The following NCR3 variants were observed in gnomAD, a reference collection of about 807,000 sequenced individuals.
NCR3 encodes the protein natural cytotoxicity triggering receptor 3.
A neutral mutation model predicts 16.1 loss-of-function variants in NCR3; 13 were observed. The ratio of observed to expected loss-of-function variants is 0.81; its 90% CI spans 0.53 to 1.28. NCR3 has a LOEUF of 1.28. Among genes scored for constraint, NCR3 ranks in the 50% most tolerant of loss-of-function variants. The pLI, the probability that NCR3 is intolerant of heterozygous loss-of-function variation, is 0.00. For missense variants in NCR3, 202 were observed against 256.8 expected (o/e 0.79, Z 1.46); for synonymous variants, 98 against 106.6 (o/e 0.92, Z 0.50).
chr6:31,589,063 A>G lies in NCR3; in HGVS notation c.*4T>C, dbSNP rs750660083. ...ATCCTTCCCATTTCTCAGGACAATCAGGCTCAGCCTCCTGGGACTGGGGGA... is the reference window on the plus strand; with the variant it reads ...ATCCTTCCCATTTCTCAGGACAATCGGGCTCAGCCTCCTGGGACTGGGGGA... On this transcript the variant is annotated 3_prime_UTR_variant, in exon 4 of 4. Transcript: ENST00000340027. This position sits in a 1 kb window ranked among gnomAD's most constrained non-coding sequence, Gnocchi z 4.8. 2 of 1,568,094 alleles carry G rather than the reference A, an allele frequency of 1.3e-6. No individual in the cohort carries two copies. Among genetic ancestry groups the G allele is most frequent in the Middle Eastern group, 1.7e-4 (1 of 5,834 alleles).
intron 1 of NCR3, among the ~76,000 whole-genome samples, chr6:31,592,375 G>T (rs62395786): frequency 0.026 from 3,953 of 150,572 alleles, 88 homozygotes; most frequent in African/African-American, 0.051. Context: ...ATCGCACCAC[G>T]GCACTCCAGC....
In NCR3 at chr6:31,589,706, G is replaced by C; in HGVS notation, c.389-73C>G. On this transcript the variant is annotated intron_variant, in intron 2 of 3. Transcript: ENST00000340027. The surrounding 1 kb of genome is among the most constrained non-coding windows in gnomAD (Gnocchi z 4.8). Reference sequence around the variant, plus strand: ...CTCAGGGAGGGAAGGGGCCTCAGAGGAGCATCCCTGCCTCCCAAGGACATT... The same window carrying C: ...CTCAGGGAGGGAAGGGGCCTCAGAGCAGCATCCCTGCCTCCCAAGGACATT... 1 of 1,606,220 alleles carries C rather than the reference G, an allele frequency of 6.2e-7. No individual in the cohort carries two copies. Among genetic ancestry groups the C allele is most frequent in the Non-Finnish European group, 8.5e-7 (1 of 1,175,126 alleles).
At position 31,589,513 on chromosome 6, in the gene NCR3, C is replaced by T; in HGVS notation, c.496+13G>A. On this transcript the variant is annotated intron_variant, in intron 3 of 3. Transcript: ENST00000340027. The surrounding 1 kb of genome is among the most constrained non-coding windows in gnomAD (Gnocchi z 4.8). ...CCATCCCGTCCACTATTGCCCCTGG[C>T]TCCATTACTCACATTTGCCCTGGTA... is the stretch of plus-strand genomic sequence containing the variant. The T allele has an allele frequency of 6.2e-7, 1 of 1,613,744 alleles. No individual in the cohort carries two copies. The highest frequency in any genetic ancestry group is 8.5e-7 in the Non-Finnish European group (1 of 1,179,790).
Position 31,589,107 on chromosome 6 carries a change from C to T in NCR3, c.566G>A (p.Gly189Glu). Residue 189 changes from glycine to glutamate, a missense_variant, in exon 4 of 4, where the codon GGG becomes GAG. Transcript: ENST00000340027. This position sits in a 1 kb window ranked among gnomAD's most constrained non-coding sequence, Gnocchi z 4.8. Reference sequence around the variant, plus strand: ...TGGGGGAAGCAGATGTGCTGAGCTCCCACATGGTGGTGGGAGGGGCGCTGG... The same window carrying T: ...TGGGGGAAGCAGATGTGCTGAGCTCTCACATGGTGGTGGGAGGGGCGCTGG... ...VVPAPLPPPC[G>E]SSAHLLPPVP... 1 of 1,610,560 alleles carries T rather than the reference C, an allele frequency of 6.2e-7. No individual in the cohort carries two copies. Among genetic ancestry groups the T allele is most frequent in the Non-Finnish European group, 8.5e-7 (1 of 1,178,044 alleles).
At chr6:31,591,893 A>T (rs1272991764) in intron 1 of NCR3, among the ~76,000 whole-genome samples, 1 of 152,280 alleles carries the variant, frequency 6.6e-6, no homozygotes, top group East Asian at 1.9e-4. Context: ...AGGCAGGCAG[A>T]TCACTTGAGA....
chr6:31,589,392 G>A lies in NCR3; in HGVS notation c.496+134C>T. ...TGTGTTCCCATGTGACAGTGGCCTG[G>A]TCAGAGAGAGGACAGGAGCTGCTCA... On this transcript the variant is annotated intron_variant, in intron 3 of 3. Coordinates refer to ENST00000340027, the MANE Select transcript of NCR3 (RefSeq NM_147130.3). This position sits in a 1 kb window ranked among gnomAD's most constrained non-coding sequence, Gnocchi z 4.8. The A allele has an allele frequency of 6.4e-7, 1 of 1,552,952 alleles. No homozygotes were observed. Among genetic ancestry groups the A allele is most frequent in the African/African-American group, 1.4e-5 (1 of 73,184 alleles).
chr6:31,592,399 G>A lies in NCR3; in HGVS notation c.43+280C>T, dbSNP rs375148151. ...CGGCACTCCAGCCAGGCGACAGAGC[G>A]AGACTCAGTCTCAAAAAAAAAAAAA... On this transcript the variant is annotated intron_variant, in intron 1 of 3. Coordinates refer to ENST00000340027, the MANE Select transcript of NCR3 (RefSeq NM_147130.3). Among the ~76,000 whole-genome samples the A allele has an allele frequency of 1.6e-4, 23 of 144,964 alleles. 1 individual carries two copies. Among genetic ancestry groups the A allele is most frequent in the East Asian group, 1.0e-3 (5 of 5,002 alleles).
At position 31,592,762 on chromosome 6, in the gene NCR3, G is replaced by A. The variant is rs1772731124; in HGVS notation, c.-41C>T. On this transcript the variant is annotated 5_prime_UTR_variant, in exon 1 of 4. Coordinates refer to ENST00000340027, the MANE Select transcript of NCR3 (RefSeq NM_147130.3). ...AGTTGGCGAAGGGGATCTGAGCAGT[G>A]AGGTCTGGGTGGAGGAGGAAGGACT... The A allele has an allele frequency of 6.2e-7, 1 of 1,611,550 alleles. No individual in the cohort carries two copies.
chr6:31,589,589 C>T lies in NCR3; in HGVS notation c.433G>A (p.Gly145Arg), dbSNP rs150982392. Residue 145 changes from glycine to arginine, a missense_variant, in exon 3 of 4, where the codon GGA (glycine) becomes AGA (arginine). Physicochemically the swap from Gly to Arg is moderately radical, Grantham distance 125 (BLOSUM62 -2). Coordinates refer to ENST00000340027, the MANE Select transcript of NCR3 (RefSeq NM_147130.3). The surrounding 1 kb of genome is among the most constrained non-coding windows in gnomAD (Gnocchi z 4.8). Reference protein sequence around the residue: ...GAGTVLLLRAGFYAVSFLSVA... With the variant: ...GAGTVLLLRARFYAVSFLSVA... Reference sequence around the variant, plus strand: ...GAGAGAAAGCTGACAGCATAGAATCCAGCCCGAAGGAGGAGGACTGTACCA... The same window carrying T: ...GAGAGAAAGCTGACAGCATAGAATCTAGCCCGAAGGAGGAGGACTGTACCA... 5.6e-6 allele frequency: 9 copies of T among 1,613,882 alleles called. No individual in the cohort carries two copies. Among genetic ancestry groups the T allele is most frequent in the Non-Finnish European group, 7.6e-6 (9 of 1,180,044 alleles).
At position 31,590,039 on chromosome 6, in the gene NCR3, C is replaced by G; in HGVS notation, c.131G>C (p.Ser44Thr). Residue 44 changes from serine (S) to threonine (T), a missense_variant, in exon 2 of 4, where the codon AGC becomes ACC. Ser to Thr is a moderately conservative substitution (Grantham distance 58). Transcript: ENST00000340027. The stretch of plus-strand genomic sequence containing the variant: ...GGAGCCAATGGCCAGTCTCCCTTGG[C>G]TGGCATTGAAGGAGCAGGGCAGGAA... ...SAFLPCSFNA[S>T]QGRLAIGSVT... is the part of the protein sequence containing the mutation. The G allele has an allele frequency of 1.9e-6, 3 of 1,613,068 alleles. No individual in the cohort carries two copies. Among genetic ancestry groups the G allele is most frequent in the Non-Finnish European group, 2.5e-6 (3 of 1,180,028 alleles).
At chr6:31,592,296 C>A (rs1772691097) in intron 1 of NCR3, among the ~76,000 whole-genome samples, 1 of 151,284 alleles carries the variant, frequency 6.6e-6, no homozygotes, top group Non-Finnish European at 1.5e-5. Flanking sequence ...GCGTGTAGTC[C>A]CAGCTACTCA....
At position 31,589,578 on chromosome 6, in the gene NCR3, A is replaced by T; in HGVS notation, c.444T>A (p.Ala148=). 6.2e-7 allele frequency: 1 copy of T among 1,614,084 alleles called. No individual in the cohort carries two copies. ...TVLLLRAGFY[A]VSFLSVAVGS... ...CCACGGCCACAGAGAGAAAGCTGAC[A>T]GCATAGAATCCAGCCCGAAGGAGGA... Residue 148 remains alanine (A), a synonymous_variant, in exon 3 of 4, where the codon GCT becomes GCA. Coordinates refer to ENST00000340027, the MANE Select transcript of NCR3 (RefSeq NM_147130.3). This position sits in a 1 kb window ranked among gnomAD's most constrained non-coding sequence, Gnocchi z 4.8.
Position 31,590,087 on chromosome 6 carries a change from C to A in NCR3, c.83G>T (p.Arg28Leu). ...ALWVSQPPEI[R>L]TLEGSSAFLP... ...GAAGGCAGAGGATCCTTCCAGGGTA[C>A]GAATCTCAGGGGGCTGGGACACCCA... The change falls in exon 2 of 4, where the codon CGT becomes CTT. Residue 28 changes from arginine (R) to leucine (L), a missense_variant. Coordinates refer to ENST00000340027, the MANE Select transcript of NCR3 (RefSeq NM_147130.3). The A allele has an allele frequency of 6.2e-7, 1 of 1,612,662 alleles. No individual in the cohort carries two copies. The highest frequency in any genetic ancestry group is 8.5e-7 in the Non-Finnish European group (1 of 1,179,872).
intron 1 of NCR3, 99 bp from the exon 2 acceptor site, chr6:31,590,225 A>ACCC: frequency 9.9e-7 from 1 of 1,013,120 alleles, no homozygotes; most frequent in Non-Finnish European, 1.4e-6. Flanking sequence ...TTCTCCAGGC[A>ACCC]TAGGGTGCAT....
chr6:31,592,329 C>T (rs551355939), intron 1 of NCR3, among the ~76,000 whole-genome samples: 1 of 151,270 alleles, frequency 6.6e-6, no homozygotes, highest in Non-Finnish European at 1.5e-5. Flanking sequence ...AGGAGAATCA[C>T]CTGAACATGG....
chr6:31,589,606 AC>A lies in NCR3; in HGVS notation c.415del (p.Val139SerfsTer29). On this transcript the variant is annotated frameshift_variant, in exon 3 of 4. Transcript: ENST00000340027. LOFTEE classifies it high-confidence loss of function. The surrounding 1 kb of genome is among the most constrained non-coding windows in gnomAD (Gnocchi z 4.8). ...ATAGAATCCAGCCCGAAGGAGGAGG[AC>A]TGTACCAGCCCCTAGCTGAGGATGT... Reference protein sequence around the residue: ...KEHPQLGAGTVLLLRAGFYAV... With the variant: ...KEHPQLGAGTXLLLRAGFYAV... 1.9e-6 allele frequency: 3 copies of A among 1,613,716 alleles called. No individual in the cohort carries two copies. The highest frequency in any genetic ancestry group is 2.5e-6 in the Non-Finnish European group (3 of 1,180,022).
Position 31,592,862 on chromosome 6 carries a change from A to G in NCR3, c.-141T>C, listed in dbSNP as rs1444216445. The G allele has an allele frequency of 4.8e-6, 4 of 828,880 alleles. No homozygotes were observed. The highest frequency in any genetic ancestry group is 8.0e-6 in the Non-Finnish European group (4 of 497,016). The allele number at this position is 828,880 out of a possible 1,614,324, so 51.3% of individuals were successfully genotyped here. ...CTATGACACACGGGACTCACACATC[A>G]CTTGCCAAGGACCACAACTGCCAGG... On this transcript the variant is annotated 5_prime_UTR_variant, in exon 1 of 4. Coordinates refer to ENST00000340027, the MANE Select transcript of NCR3 (RefSeq NM_147130.3).
At chr6:31,591,813 CAA>C (rs1023601327) in intron 1 of NCR3, among the ~76,000 whole-genome samples, 1 of 151,220 alleles carries the variant, frequency 6.6e-6, no homozygotes, top group Non-Finnish European at 1.5e-5. Flanking sequence ...GAAACTGTCT[CAA>C]AAAAAAAGTT....
chr6:31,592,792 A>G lies in NCR3; in HGVS notation c.-71T>C. Reference sequence around the variant, plus strand: ...CTGGGTGGAGGAGGAAGGACTCACTACTTGTAGCCAGGCCTTTGGTCACCA... The same window carrying G: ...CTGGGTGGAGGAGGAAGGACTCACTGCTTGTAGCCAGGCCTTTGGTCACCA... On this transcript the variant is annotated 5_prime_UTR_variant, in exon 1 of 4. Coordinates refer to ENST00000340027, the MANE Select transcript of NCR3 (RefSeq NM_147130.3). 6.4e-7 allele frequency: 1 copy of G among 1,561,996 alleles called. No individual in the cohort carries two copies. The highest frequency in any genetic ancestry group is 8.8e-7 in the Non-Finnish European group (1 of 1,136,104).
Sources: allele counts gnomAD v4.1 joint callset (sites outside exome capture counted in the v4.1 genomes callset), GRCh38; gene constraint gnomAD v4.1.1; non-coding constraint Gnocchi (gnomAD v3.1); transcripts MANE v1.5; gene names NCBI Gene and HGNC (gene_info 2026-07-23, HGNC 2026-07-21).